Variants in LRP1 observed in about 807,000 individuals in gnomAD.
LRP1 encodes LDL receptor related protein 1, also known as prolow-density lipoprotein receptor-related protein 1.
LRP1 carries 51 observed loss-of-function variants against 541.5 expected under a neutral mutation model. The observed-to-expected ratio is 0.09, with a 90% confidence interval of 0.08 to 0.12. LRP1 has a LOEUF of 0.12. Ranked by LOEUF, LRP1 falls within the 10% of genes least tolerant of loss-of-function variation. The pLI, the probability that LRP1 is intolerant of heterozygous loss-of-function variation, is 1.00. For missense variants in LRP1, 3,878 were observed against 6,376.2 expected, an observed-to-expected ratio of 0.61 and a Z score of 13.34; for synonymous variants, 2,219 against 2,470.8, an observed-to-expected ratio of 0.90 and a Z score of 3.02.
rs776417449 is a variant in LRP1 at position 57,173,242 on chromosome 12, T to C, written c.3238T>C (p.Trp1080Arg). The change falls in exon 21 of 89, where the codon TGG becomes CGG. Residue 1080 changes from tryptophan to arginine, a missense_variant. Around this residue, in one of 13 missense-constraint regions of LRP1, gnomAD observed 320 missense variants for 547.9 expected, o/e 0.58. Transcript: ENST00000243077. The surrounding 1 kb of genome is among the most constrained non-coding windows in gnomAD (Gnocchi z 4.7). Reference sequence around the variant, plus strand: ...GGATGGACTATGCATCCCCCTGCGGTGGCGCTGCGATGGGGACACTGACTG... The same window carrying C: ...GGATGGACTATGCATCCCCCTGCGGCGGCGCTGCGATGGGGACACTGACTG... ...RLDGLCIPLRWRCDGDTDCMD... is the reference protein window; with the variant it reads ...RLDGLCIPLRRRCDGDTDCMD... The C allele has an allele frequency of 6.2e-7, 1 of 1,613,920 alleles. No individual in the cohort carries two copies. Among genetic ancestry groups the C allele is most frequent in the Non-Finnish European group, 8.5e-7 (1 of 1,179,992 alleles).
rs150607833 is a variant in LRP1, at chr12:57,145,484, C to G, written c.835C>G (p.Leu279Val). The G allele has an allele frequency of 1.2e-6, 2 of 1,613,042 alleles. No homozygotes were observed. The highest frequency in any genetic ancestry group is 1.7e-6 in the Non-Finnish European group (2 of 1,179,530). ...DEHTINISLS[L>V]HHVEQMAIDW... ...GCACACCATCAACATCTCCCTCAGTCTGCACCGTGAGTCACCTGCTCTCAG... is the reference window on the plus strand; with the variant it reads ...GCACACCATCAACATCTCCCTCAGTGTGCACCGTGAGTCACCTGCTCTCAG... The change falls in exon 6 of 89, where the codon CTG becomes GTG. Residue 279 changes from leucine (L) to valine (V), a missense_variant. Coordinates refer to ENST00000243077, the MANE Select transcript of LRP1 (RefSeq NM_002332.3).
chr12:57,198,721 A>T, intron 60 of LRP1, 51 bp downstream of exon 60: 1 of 1,521,756 alleles, frequency 6.6e-7, no homozygotes, highest in Non-Finnish European at 8.9e-7. Context: ...GTGGGGATGG[A>T]GGTCTGAAGC....
chr12:57,200,949 G>C, intron 64 of LRP1, 85 bp from the exon 65 acceptor site: 1 of 1,601,138 alleles, frequency 6.2e-7, no homozygotes, highest in Non-Finnish European at 8.5e-7. Context: ...GCTCAAGCCT[G>C]TGTCCTCCCT....
intron 20 of LRP1, among the ~76,000 whole-genome samples, chr12:57,171,344 G>T (rs2035940946): frequency 1.3e-5 from 2 of 152,186 alleles, no homozygotes; most frequent in South Asian, 4.1e-4. Flanking sequence ...CAGGTAAATG[G>T]ACAGGAGGGA....
rs370820477 is a variant in LRP1 at position 57,180,830 on chromosome 12, G to A, written c.5527+23G>A. 281 of 1,611,584 alleles carry A rather than the reference G, an allele frequency of 1.7e-4. 1 individual carries two copies. In the African/African-American group the frequency reaches 3.1e-3, roughly 17 times the overall value. On this transcript the variant is annotated intron_variant, in intron 33 of 88. Transcript: ENST00000243077. ...TGGGTAGGTGCGAGGCCGGGCGGCC[G>A]CTGGGGGCTCAGGGGCAACAGGGGA...
rs2035342996 is a variant in LRP1, at chr12:57,143,734, C to T, written c.384C>T (p.Leu128=). The change falls in exon 4 of 89, where the codon CTC becomes CTT. Residue 128 remains leucine, a synonymous_variant. Transcript: ENST00000243077. ...GCCAGCACCATTGTGTCCCCACACT[C>T]GATGGGCCCACCTGCTACTGCAACA... ...LGCQHHCVPT[L]DGPTCYCNSS... is the part of the protein sequence containing the mutation. The T allele has an allele frequency of 6.8e-6, 11 of 1,614,082 alleles. No homozygotes were observed. The highest frequency in any genetic ancestry group is 2.7e-5 in the African/African-American group (2 of 74,950).
chr12:57,197,160 T>C lies in LRP1; in HGVS notation c.9071T>C (p.Val3024Ala), dbSNP rs772125997. The change falls in exon 56 of 89, where the codon GTG becomes GCG. Residue 3024 changes from valine (V) to alanine (A), a missense_variant. Transcript: ENST00000243077. This position sits in a 1 kb window ranked among gnomAD's most constrained non-coding sequence, Gnocchi z 4.5. ...GGCGACCCCCACAGCTGCAAGGCTGTGACTGGTGAGATGCGCGCTTGGAGG... is the reference window on the plus strand; with the variant it reads ...GGCGACCCCCACAGCTGCAAGGCTGCGACTGGTGAGATGCGCGCTTGGAGG... The part of the protein sequence containing the change: ...RGGDPHSCKA[V>A]TDEEPFLIFA... The C allele has an allele frequency of 1.2e-6, 2 of 1,613,872 alleles. No individual in the cohort carries two copies. The highest frequency in any genetic ancestry group is 3.3e-5 in the Admixed American group (2 of 60,010).
At chr12:57,191,148 G>C in intron 43 of LRP1, 139 bp downstream of exon 43, 1 of 1,132,722 alleles carries the variant, frequency 8.8e-7, no homozygotes, top group Non-Finnish European at 1.3e-6. Flanking sequence ...CCCAGCCTCG[G>C]TCAACCCCAC....
intron 78 of LRP1, 41 bp from the exon 79 acceptor site, chr12:57,209,042 T>C (rs201675608): frequency 1.6e-5 from 24 of 1,525,772 alleles, no homozygotes; most frequent in Non-Finnish European, 1.4e-5. Flanking sequence ...CGAGCCTGGG[T>C]TGGGGAGGCC....
At chr12:57,170,623 A>T (rs923793923) in intron 20 of LRP1, among the ~76,000 whole-genome samples, 1 of 152,146 alleles carries the variant, frequency 6.6e-6, no homozygotes, top group African/African-American at 2.4e-5. Context: ...GTTTAAGACC[A>T]GCCTGGGCAA....
chr12:57,192,832 T>C lies in LRP1; in HGVS notation c.7430-13T>C. 1 of 1,614,028 alleles carries C rather than the reference T, an allele frequency of 6.2e-7. No individual in the cohort carries two copies. On this transcript the variant is annotated splice_polypyrimidine_tract_variant and intron_variant, in intron 44 of 88. Transcript: ENST00000243077. ...ACACTCTCCAGCCCTGCGCCCACCC[T>C]GTCCCTGCTCAGGTGAACTCTCTCC...
Position 57,154,085 on chromosome 12 carries a change from G to T in LRP1, c.842-123G>T. 3.6e-6 allele frequency: 3 copies of T among 838,386 alleles called. No individual in the cohort carries two copies. Among genetic ancestry groups the T allele is most frequent in the South Asian group, 3.1e-5 (2 of 64,596 alleles). 51.9% of individuals were successfully genotyped at this position (838,386 alleles called of 1,614,324 possible). A position where few individuals can be genotyped will look rare whatever the true frequency, so the allele number is the denominator to read the frequency against. ...TATCCACTCTGAGCTAAGCATGGGGGTGTTGGGTGGGAGGGCGTCCAGAGA... is the reference window on the plus strand; with the variant it reads ...TATCCACTCTGAGCTAAGCATGGGGTTGTTGGGTGGGAGGGCGTCCAGAGA... On this transcript the variant is annotated intron_variant, in intron 6 of 88. Transcript: ENST00000243077. The surrounding 1 kb of genome is among the most constrained non-coding windows in gnomAD (Gnocchi z 4.6).
Position 57,200,707 on chromosome 12 carries a change from A to G in LRP1, c.10117A>G (p.Lys3373Glu). The change falls in exon 64 of 89, where the codon AAG (lysine) becomes GAG (glutamate). Residue 3373 changes from lysine (K) to glutamate (E), a missense_variant. Around this residue, in one of 13 missense-constraint regions of LRP1, gnomAD observed 278 missense variants for 536.3 expected, o/e 0.52. Transcript: ENST00000243077. ...SDEPPDCPEF[K>E]CRPGQFQCST... ...GCCTCCCTCTCTGGCAGCTGAGTTC[A>G]AGTGCCGGCCCGGACAGTTCCAGTG... The G allele has an allele frequency of 3.1e-6, 5 of 1,613,794 alleles. No homozygotes were observed. The South Asian group carries it at 5.5e-5, about 18-fold the overall frequency.
rs1347909991 is a variant in LRP1 at position 57,178,647 on chromosome 12, C to G, written c.4606+44C>G. The stretch of plus-strand genomic sequence containing the variant: ...CGAGCAGCCGGAAGGGAGCCAGCAG[C>G]CTCTTTAGAAGCTGTAGAAGCTCTT... On this transcript the variant is annotated intron_variant, in intron 27 of 88. Coordinates refer to ENST00000243077, the MANE Select transcript of LRP1 (RefSeq NM_002332.3). The surrounding 1 kb of genome is among the most constrained non-coding windows in gnomAD (Gnocchi z 5.8). The G allele has an allele frequency of 1.9e-6, 3 of 1,612,118 alleles. No individual in the cohort carries two copies. The Admixed American group carries it at 5.0e-5, about 27-fold the overall frequency.
At position 57,196,132 on chromosome 12, in the gene LRP1, G is replaced by T. The variant is rs199825634; in HGVS notation, c.8747G>T (p.Arg2916Leu). 1.2e-6 allele frequency: 2 copies of T among 1,609,820 alleles called. No homozygotes were observed. Among genetic ancestry groups the T allele is most frequent in the Admixed American group, 3.3e-5 (2 of 59,934 alleles). Residue 2916 changes from arginine (R) to leucine (L), a missense_variant, in exon 55 of 89, where the codon CGC becomes CTC. Coordinates refer to ENST00000243077, the MANE Select transcript of LRP1 (RefSeq NM_002332.3). Reference sequence around the variant, plus strand: ...TCACAGTTCCTGTGCAGCAGTGGGCGCTGTGTGGCTGAGGCACTGCTCTGC... The same window carrying T: ...TCACAGTTCCTGTGCAGCAGTGGGCTCTGTGTGGCTGAGGCACTGCTCTGC... Reference protein sequence around the residue: ...ASSQFLCSSGRCVAEALLCNG... With the variant: ...ASSQFLCSSGLCVAEALLCNG...
At chr12:57,155,969 T>C (rs2035609479) in intron 8 of LRP1, 125 bp from the exon 9 acceptor site, 1 of 744,056 alleles carries the variant, frequency 1.3e-6, no homozygotes, top group East Asian at 2.7e-5. Context: ...TAAATAAAAA[T>C]TAAAAACTAC....
chr12:57,139,647 C>G (rs916437842), intron 2 of LRP1, among the ~76,000 whole-genome samples: 1 of 152,170 alleles, frequency 6.6e-6, no homozygotes, highest in South Asian at 2.1e-4. Context: ...TCATACCCCC[C>G]GGACTCATAA....
intron 31 of LRP1, 82 bp from the exon 32 acceptor site, chr12:57,180,248 G>T (rs960990203): frequency 1.3e-6 from 2 of 1,586,138 alleles, no homozygotes; most frequent in African/African-American, 2.7e-5. Flanking sequence ...CCCTAGCTTA[G>T]TGCCTGTTCT....
intron 1 of LRP1, among the ~76,000 whole-genome samples, chr12:57,133,613 C>A (rs561987831): frequency 7.1e-6 from 1 of 140,574 alleles, no homozygotes; most frequent in East Asian, 2.3e-4. Flanking sequence ...CAGGCTCTGT[C>A]CCCGCGCCGC....
Sources: gnomAD v4.1 joint callset for allele counts (sites outside exome capture counted in the v4.1 genomes callset) on GRCh38, gnomAD v4.1.1 for gene constraint, gnomAD v4.1.1 regional missense constraint, Gnocchi (gnomAD v3.1) non-coding constraint, MANE v1.5 for transcripts, NCBI Gene and HGNC (gene_info 2026-07-23, HGNC 2026-07-21) for gene names.